The following PARD3 variants were observed in gnomAD, a reference collection of about 807,000 sequenced individuals.
PARD3 encodes the protein partitioning defective 3 homolog.
PARD3 carries 75 observed loss-of-function variants against 155.4 expected under a neutral mutation model. That is an observed-to-expected ratio of 0.48 (90% CI 0.40 to 0.58). The LOEUF (loss-of-function observed/expected upper bound fraction) is 0.58, where lower values mean the gene tolerates loss of function less well. PARD3 is among the 20% of genes least tolerant of loss of function. The pLI is 0.00. For synonymous variants in PARD3, 576 were observed against 610.5 expected (o/e 0.94, Z 0.83); for missense variants, 1,642 against 1,721.7 (o/e 0.95, Z 0.82).
intron 20 of PARD3, among the ~76,000 whole-genome samples, chr10:34,313,803 G>C (rs1435925080): frequency 6.6e-6 from 1 of 152,114 alleles, no homozygotes; most frequent in African/African-American, 2.4e-5. Context: ...GGTAGAGGGA[G>C]GAGAGCCTGT....
At chr10:34,303,162 ATTTTT>A (rs5784409) in intron 20 of PARD3, among the ~76,000 whole-genome samples, 12 of 131,964 alleles carry the variant, frequency 9.1e-5, no homozygotes, top group Admixed American at 1.5e-4. Context: ...GCCCAGGTGA[ATTTTT>A]TTTTTTTTTT....
intron 2 of PARD3, among the ~76,000 whole-genome samples, chr10:34,623,417 C>T (rs999003140): frequency 6.6e-6 from 1 of 152,202 alleles, no homozygotes; most frequent in Non-Finnish European, 1.5e-5. Flanking sequence ...AACTCTCCTT[C>T]CCTTCAATAA....
At chr10:34,432,783 A>G (rs1372803624) in intron 5 of PARD3, among the ~76,000 whole-genome samples, 1 of 152,228 alleles carries the variant, frequency 6.6e-6, no homozygotes, top group African/African-American at 2.4e-5. Flanking sequence ...CCTTGCAGGT[A>G]AGCACAAGTC....
chr10:34,446,771 C>T (rs1036241747), intron 5 of PARD3, among the ~76,000 whole-genome samples: 2 of 152,112 alleles, frequency 1.3e-5, no homozygotes, highest in Non-Finnish European at 2.9e-5. Context: ...TGTGCCATCA[C>T]GGTGTGCAAG....
Position 34,592,547 on chromosome 10 carries a change from A to AGACAGATCACCG in PARD3, c.223-75389_223-75388insCGGTGATCTGTC, listed in dbSNP as rs1427336093. Reference sequence around the variant, plus strand: ...TCCCAGCACTGTGGGAGGCCAAGGCAGACAGATCACCAGAGGTCAGGAGTT... The same window carrying AGACAGATCACCG: ...TCCCAGCACTGTGGGAGGCCAAGGCAGACAGATCACCGGACAGATCACCAGAGGTCAGGAGTT... On this transcript the variant is annotated intron_variant, in intron 2 of 24. Coordinates refer to ENST00000374788, the MANE Select transcript of PARD3 (RefSeq NM_001184785.2). 1.1e-4 allele frequency among the ~76,000 whole-genome samples: 16 copies of AGACAGATCACCG among 152,310 alleles called. No homozygotes were observed. In the East Asian group the frequency reaches 3.1e-3, roughly 29 times the overall value.
intron 2 of PARD3, among the ~76,000 whole-genome samples, chr10:34,557,930 C>A (rs1294356288): frequency 2.7e-5 from 4 of 148,856 alleles, no homozygotes; most frequent in African/African-American, 4.9e-5. Context: ...AGTGTGAGAC[C>A]CTGACTCAAA....
chr10:34,428,685 C>G (rs944647072), intron 5 of PARD3, among the ~76,000 whole-genome samples: 4 of 152,100 alleles, frequency 2.6e-5, no homozygotes, highest in Non-Finnish European at 5.9e-5. Context: ...GCCAATGGGA[C>G]AAAAGGGCCA....
intron 20 of PARD3, among the ~76,000 whole-genome samples, chr10:34,303,708 T>G (rs948083121): frequency 6.6e-6 from 1 of 151,938 alleles, no homozygotes; most frequent in East Asian, 1.9e-4. Context: ...AGACAGGTGA[T>G]GCTGAGCTTG....
At chr10:34,718,886 C>G (rs1344402022) in intron 1 of PARD3, among the ~76,000 whole-genome samples, 2 of 152,026 alleles carry the variant, frequency 1.3e-5, no homozygotes, top group East Asian at 3.8e-4. Context: ...TTGTTTGAAC[C>G]CGGAAGGAGC....
intron 22 of PARD3, among the ~76,000 whole-genome samples, chr10:34,184,213 C>A (rs1371280503): frequency 2.0e-5 from 3 of 152,116 alleles, no homozygotes; most frequent in African/African-American, 7.2e-5. Context: ...AATGAAGAGG[C>A]GAACAACAGG....
intron 22 of PARD3, among the ~76,000 whole-genome samples, chr10:34,215,317 T>G (rs1416521987): frequency 6.6e-6 from 1 of 152,204 alleles, no homozygotes; most frequent in East Asian, 1.9e-4. Context: ...TTGAGGGATT[T>G]CCTAAGTTTT....
chr10:34,681,233 C>A (rs961088282), intron 2 of PARD3, among the ~76,000 whole-genome samples: 2 of 152,010 alleles, frequency 1.3e-5, no homozygotes, highest in Non-Finnish European at 2.9e-5. Context: ...GCCCATAAAA[C>A]ACAAGCCACT....
At chr10:34,302,400 G>A (rs558564891) in intron 20 of PARD3, among the ~76,000 whole-genome samples, 1 of 152,258 alleles carries the variant, frequency 6.6e-6, no homozygotes, top group East Asian at 1.9e-4. Flanking sequence ...ACCCTGTGAG[G>A]CAGGTACCAT....
chr10:34,808,270 C>T (rs1321353353), intron 1 of PARD3, among the ~76,000 whole-genome samples: 2 of 151,866 alleles, frequency 1.3e-5, no homozygotes, highest in Non-Finnish European at 2.9e-5. Flanking sequence ...GCAGAGATCA[C>T]GCCACTTCAC....
intron 22 of PARD3, among the ~76,000 whole-genome samples, chr10:34,266,229 T>TA (rs3039306): frequency 0.48 from 71,115 of 148,956 alleles, 16,730 homozygotes; most frequent in South Asian, 0.54. Context: ...TGTCTTTCTA[T>TA]AAAAAAAAAA....
intron 2 of PARD3, among the ~76,000 whole-genome samples, chr10:34,610,111 C>G (rs2090770628): frequency 6.6e-6 from 1 of 152,156 alleles, no homozygotes; most frequent in South Asian, 2.1e-4. Flanking sequence ...ACTCTAATCT[C>G]TGGTAGTATA....
At chr10:34,598,895 C>T (rs1162280714) in intron 2 of PARD3, among the ~76,000 whole-genome samples, 1 of 152,150 alleles carries the variant, frequency 6.6e-6, no homozygotes, top group African/African-American at 2.4e-5. Flanking sequence ...TGAAGGATGG[C>T]CTTCCAGAGT....
rs148739678 is a variant in PARD3 at position 34,255,891 on chromosome 10, T to C, written c.3419+13766A>G. 3.1e-3 allele frequency among the ~76,000 whole-genome samples: 474 copies of C among 152,294 alleles called. 2 individuals carry two copies. The highest frequency in any genetic ancestry group is 0.011 in the African/African-American group (447 of 41,560). ...TATTAAGTACATTTTTCTATATACA[T>C]TTGTAGTATAAATAAGATTTTAGGG... On this transcript the variant is annotated intron_variant, in intron 22 of 24. Coordinates refer to ENST00000374788, the MANE Select transcript of PARD3 (RefSeq NM_001184785.2).
intron 5 of PARD3, among the ~76,000 whole-genome samples, chr10:34,407,907 G>A (rs11814813): frequency 0.01 from 1,540 of 151,424 alleles, 11 homozygotes; most frequent in Non-Finnish European, 0.017. Flanking sequence ...CTTGTAACTA[G>A]AACACTTGAG....
Sources: gnomAD v4.1 joint callset for allele counts (sites outside exome capture counted in the v4.1 genomes callset) on GRCh38, gnomAD v4.1.1 for gene constraint, MANE v1.5 for transcripts, NCBI Gene and HGNC (gene_info 2026-07-23, HGNC 2026-07-21) for gene names.